The following ATP8B1 variants were observed in gnomAD, a reference collection of about 807,000 sequenced individuals.
ATP8B1 encodes phospholipid-transporting ATPase IC.
In ATP8B1, 80 loss-of-function variants were observed where a neutral mutation model predicts 149.9. That is an observed-to-expected ratio of 0.53 (90% CI 0.45 to 0.64). ATP8B1 has a LOEUF of 0.64. Ranked by LOEUF, ATP8B1 falls within the 30% of genes least tolerant of loss-of-function variation. The probability of loss-of-function intolerance (pLI) is 0.00; values close to 1 mark genes in which losing one functional copy is unlikely to be tolerated. For synonymous variants in ATP8B1, 536 were observed against 562.8 expected, an observed-to-expected ratio of 0.95 and a Z score of 0.67; for missense variants, 1,247 against 1,552.6, an observed-to-expected ratio of 0.80 and a Z score of 3.31.
intron 10 of ATP8B1, among the ~76,000 whole-genome samples, chr18:57,694,904 C>T (rs1443601502): frequency 6.6e-6 from 1 of 152,020 alleles, no homozygotes; most frequent in East Asian, 1.9e-4. Context: ...GTGGCACATG[C>T]CTATAATCCC....
chr18:57,745,092 A>G (rs937370974), intron 1 of ATP8B1, among the ~76,000 whole-genome samples: 1 of 152,238 alleles, frequency 6.6e-6, no homozygotes, highest in Non-Finnish European at 1.5e-5. Flanking sequence ...AATGTTTTCA[A>G]TGTCAGCAGT....
chr18:57,720,169 A>G (rs1342668121), intron 2 of ATP8B1, among the ~76,000 whole-genome samples: 1 of 149,928 alleles, frequency 6.7e-6, no homozygotes, highest in Non-Finnish European at 1.5e-5. Flanking sequence ...AAAAACTGGA[A>G]ACTCTAAAAC....
At chr18:57,652,338 G>A in intron 25 of ATP8B1, 146 bp downstream of exon 25, 1 of 1,448,294 alleles carries the variant, frequency 6.9e-7, no homozygotes, top group Non-Finnish European at 9.5e-7. Flanking sequence ...TAGAAAATGT[G>A]CTTGGTATAA....
chr18:57,790,315 C>T (rs1167870098), intron 1 of ATP8B1, among the ~76,000 whole-genome samples: 1 of 151,978 alleles, frequency 6.6e-6, no homozygotes, highest in African/African-American at 2.4e-5. Flanking sequence ...CACCCCCATC[C>T]CCCACCAACA....
chr18:57,744,017 A>T (rs1341783474), intron 1 of ATP8B1, among the ~76,000 whole-genome samples: 1 of 152,128 alleles, frequency 6.6e-6, no homozygotes, highest in African/African-American at 2.4e-5. Flanking sequence ...CCACAGCAAG[A>T]AGAAATACAG....
intron 1 of ATP8B1, among the ~76,000 whole-genome samples, chr18:57,766,271 C>T (rs2080211279): frequency 1.3e-5 from 2 of 152,002 alleles, no homozygotes; most frequent in African/African-American, 4.8e-5. Flanking sequence ...TCTCGAACTC[C>T]TGACCTCAGG....
intron 1 of ATP8B1, chr18:57,735,187 G>C (rs1568046161): frequency 6.1e-6 from 1 of 164,022 alleles, no homozygotes; most frequent in Non-Finnish European, 1.3e-5. Flanking sequence ...CTGAGCTTTC[G>C]CTCGCCGTCC....
intron 2 of ATP8B1, among the ~76,000 whole-genome samples, chr18:57,724,445 T>C (rs1027754191): frequency 6.3e-4 from 95 of 151,852 alleles, no homozygotes; most frequent in African/African-American, 2.2e-3. Context: ...GCGAAGGACA[T>C]GAACAGACAC....
chr18:57,669,490 AT>A lies in ATP8B1; in HGVS notation c.1933-9del. 6.2e-7 allele frequency: 1 copy of A among 1,608,290 alleles called. No individual in the cohort carries two copies. Among genetic ancestry groups the A allele is most frequent in the Non-Finnish European group, 8.5e-7 (1 of 1,175,556 alleles). On this transcript the variant is annotated splice_polypyrimidine_tract_variant and intron_variant, in intron 17 of 27. Transcript: ENST00000648908. ...AGTTTCATTTGCAAAGATCTGTTTT[AT>A]TTAAAAAAATAAATCCACCAATGCA...
chr18:57,760,866 GTAGT>G (rs1484723499), intron 1 of ATP8B1, among the ~76,000 whole-genome samples: 1 of 151,834 alleles, frequency 6.6e-6, no homozygotes, highest in African/African-American at 2.4e-5. Flanking sequence ...GCGCGCACCT[GTAGT>G]CCCAGCTACT....
chr18:57,731,582 T>C (rs1357349610), intron 2 of ATP8B1, 45 bp downstream of exon 2: 1 of 1,601,714 alleles, frequency 6.2e-7, no homozygotes, highest in Admixed American at 1.7e-5. Flanking sequence ...ATGACCCACA[T>C]GAGGATTTAT....
chr18:57,795,581 T>A (rs2080507473), intron 1 of ATP8B1, among the ~76,000 whole-genome samples: 1 of 152,176 alleles, frequency 6.6e-6, no homozygotes. Context: ...CTTAAGGACA[T>A]TACACTAGTG....
At chr18:57,762,378 A>T (rs1264008502) in intron 1 of ATP8B1, among the ~76,000 whole-genome samples, 1 of 151,948 alleles carries the variant, frequency 6.6e-6, no homozygotes. Flanking sequence ...ACCTCAAGTG[A>T]TCTGCCCGCG....
intron 1 of ATP8B1, among the ~76,000 whole-genome samples, chr18:57,740,284 A>C (rs1252433284): frequency 2.6e-5 from 4 of 151,780 alleles, no homozygotes. Flanking sequence ...ATGGCTTTTA[A>C]AGTTCACAAG....
intron 17 of ATP8B1, among the ~76,000 whole-genome samples, chr18:57,669,967 T>G (rs1173663784): frequency 1.3e-5 from 2 of 152,166 alleles, no homozygotes; most frequent in African/African-American, 4.8e-5. Flanking sequence ...TAATAGACTT[T>G]GCTTTTCTAA....
At chr18:57,717,922 T>C (rs1164006342) in intron 2 of ATP8B1, among the ~76,000 whole-genome samples, 1 of 150,856 alleles carries the variant, frequency 6.6e-6, no homozygotes, top group Non-Finnish European at 1.5e-5. Context: ...ATTTTTGTAG[T>C]TTTAGTAGAG....
chr18:57,732,235 G>A (rs868479793), intron 1 of ATP8B1, among the ~76,000 whole-genome samples: 1 of 9,204 alleles, frequency 1.1e-4, no homozygotes, highest in Admixed American at 1.5e-3. Context: ...GTATATATGT[G>A]TATATATATG....
intron 17 of ATP8B1, among the ~76,000 whole-genome samples, chr18:57,670,844 T>C (rs1283212290): frequency 6.6e-6 from 1 of 151,886 alleles, no homozygotes; most frequent in Admixed American, 6.6e-5. Flanking sequence ...GTAGCTGGGA[T>C]TACAGGTGCC....
chr18:57,770,948 C>T (rs898172858), intron 1 of ATP8B1, among the ~76,000 whole-genome samples: 1 of 152,248 alleles, frequency 6.6e-6, no homozygotes, highest in Non-Finnish European at 1.5e-5. Context: ...ACTGCAACTT[C>T]TGCCTCCTAG....
Sources: allele counts gnomAD v4.1 joint callset (sites outside exome capture counted in the v4.1 genomes callset), GRCh38; gene constraint gnomAD v4.1.1; transcripts MANE v1.5; gene names NCBI Gene and HGNC (gene_info 2026-07-23, HGNC 2026-07-21).